NAALADL2: variants seen among roughly 807,000 people sequenced by gnomAD.
NAALADL2 encodes N-acetylated alpha-linked acidic dipeptidase like 2.
NAALADL2 carries 76 observed loss-of-function variants against 87.2 expected under a neutral mutation model. The ratio of observed to expected loss-of-function variants is 0.87; its 90% confidence interval spans 0.72 to 1.05. The LOEUF (loss-of-function observed/expected upper bound fraction) is 1.05, where lower values mean the gene tolerates loss of function less well. Ranked by LOEUF, NAALADL2 falls within the 50% of genes least tolerant of loss-of-function variation. NAALADL2 has a pLI of 0.00. For missense variants in NAALADL2, 1,089 were observed against 945.8 expected (o/e 1.15, Z -1.99); for synonymous variants, 354 against 331.0 (o/e 1.07, Z -0.75).
chr3:175,552,328 T>A (rs1226278694), intron 9 of NAALADL2, among the ~76,000 whole-genome samples: 1 of 152,208 alleles, frequency 6.6e-6, no homozygotes, highest in East Asian at 1.9e-4. Flanking sequence ...TTTGCTTTTT[T>A]CTTCTCCTTT....
chr3:174,507,740 C>T (rs1719291658), intron 1 of NAALADL2, among the ~76,000 whole-genome samples: 1 of 151,902 alleles, frequency 6.6e-6, no homozygotes, highest in Non-Finnish European at 1.5e-5. Context: ...GTAGTTTGTT[C>T]TTTTTATTGC....
chr3:175,230,543 G>A (rs1015842614), intron 2 of NAALADL2, among the ~76,000 whole-genome samples: 2 of 151,952 alleles, frequency 1.3e-5, no homozygotes, highest in African/African-American at 4.8e-5. Context: ...TCATGAAGAT[G>A]CAAATTAAAA....
At chr3:175,458,040 G>A (rs1415237781) in intron 6 of NAALADL2, among the ~76,000 whole-genome samples, 2 of 151,904 alleles carry the variant, frequency 1.3e-5, no homozygotes, top group Non-Finnish European at 2.9e-5. Flanking sequence ...AACTTCAGCT[G>A]GGTTCTGTGT....
chr3:174,512,422 T>C (rs1284623552), intron 1 of NAALADL2, among the ~76,000 whole-genome samples: 1 of 152,146 alleles, frequency 6.6e-6, no homozygotes, highest in African/African-American at 2.4e-5. Context: ...TGTTCTTGGG[T>C]GTCTCTTCAT....
intron 1 of NAALADL2, among the ~76,000 whole-genome samples, chr3:174,942,928 C>A (rs1738832601): frequency 6.6e-6 from 1 of 152,176 alleles, no homozygotes; most frequent in Admixed American, 6.5e-5. Context: ...TCCTTCAGTT[C>A]CTGCATCACT....
intron 9 of NAALADL2, among the ~76,000 whole-genome samples, chr3:175,525,386 A>G (rs1257934551): frequency 1.3e-5 from 2 of 152,056 alleles, no homozygotes; most frequent in African/African-American, 2.4e-5. Flanking sequence ...TTCTCCACTC[A>G]CTGTCAATTT....
intron 2 of NAALADL2, among the ~76,000 whole-genome samples, chr3:175,173,474 C>T (rs1735192127): frequency 6.6e-6 from 1 of 152,072 alleles, no homozygotes; most frequent in African/African-American, 2.4e-5. Flanking sequence ...TGCACTCCAA[C>T]CTGAGTGACA....
At chr3:174,955,778 T>C (rs944188429) in intron 1 of NAALADL2, among the ~76,000 whole-genome samples, 1 of 152,056 alleles carries the variant, frequency 6.6e-6, no homozygotes, top group African/African-American at 2.4e-5. Context: ...CAGGACTTTT[T>C]AAAAGACAGA....
At chr3:174,887,347 GATT>G (rs1332278317) in intron 1 of NAALADL2, among the ~76,000 whole-genome samples, 1 of 152,014 alleles carries the variant, frequency 6.6e-6, no homozygotes, top group African/African-American at 2.4e-5. Flanking sequence ...TATATAAAGA[GATT>G]ATATGTTTAT....
At chr3:174,679,569 T>C (rs1318290252) in intron 2 of NAALADL2, among the ~76,000 whole-genome samples, 1 of 152,144 alleles carries the variant, frequency 6.6e-6, no homozygotes, top group Non-Finnish European at 1.5e-5. Context: ...CTTTGGGGTG[T>C]TCCTATAACA....
Position 174,938,135 on chromosome 3 carries a change from C to T in NAALADL2, c.43+78685C>T, listed in dbSNP as rs80107494. ...TATTTCATCACCCAGTTTTTAAACT[C>T]AGTTTGCAATAGTTACCTTTTCTGC... On this transcript the variant is annotated intron_variant, in intron 1 of 13. Transcript: ENST00000454872. Among the ~76,000 whole-genome samples the T allele has an allele frequency of 3.9e-3, 592 of 152,034 alleles. 7 individuals are homozygous for T. The highest frequency in any genetic ancestry group is 0.014 in the African/African-American group (561 of 41,512).
chr3:175,386,944 A>G (rs1230085855), intron 5 of NAALADL2, among the ~76,000 whole-genome samples: 9 of 152,162 alleles, frequency 5.9e-5, no homozygotes, highest in Non-Finnish European at 1.0e-4. Flanking sequence ...GAAGCCATAA[A>G]GTGCTTCCTT....
chr3:174,754,126 G>A (rs1316238006), intron 3 of NAALADL2, among the ~76,000 whole-genome samples: 1 of 152,182 alleles, frequency 6.6e-6, no homozygotes, highest in African/African-American at 2.4e-5. Context: ...ATGTATGGAA[G>A]CCTCTGCTAA....
In NAALADL2 at chr3:175,093,414, T is replaced by TATATATATATATATATATATA. The variant is rs1553771396; in HGVS notation, c.44-3376_44-3375insATATATATATATATATATATA. 1.0e-3 allele frequency among the ~76,000 whole-genome samples: 120 copies of TATATATATATATATATATATA among 117,676 alleles called. 1 individual carries two copies. Among genetic ancestry groups the TATATATATATATATATATATA allele is most frequent in the African/African-American group, 2.9e-3 (71 of 24,300 alleles). The allele number at this position is 117,676 out of a possible 152,430, so 77.2% of individuals were successfully genotyped here. ...TTTTTTTGTTGAGTTCATTTTATTTTTTTATATATATATATATATGTTTTA... is the reference window on the plus strand; with the variant it reads ...TTTTTTTGTTGAGTTCATTTTATTTTATATATATATATATATATATATTTATATATATATATATATGTTTTA... On this transcript the variant is annotated intron_variant, in intron 1 of 13. Transcript: ENST00000454872.
chr3:174,596,439 C>G (rs373665135), intron 2 of NAALADL2, among the ~76,000 whole-genome samples: 1 of 152,132 alleles, frequency 6.6e-6, no homozygotes, highest in Non-Finnish European at 1.5e-5. Flanking sequence ...TGTTTTTACA[C>G]GCTATTTCAG....
chr3:174,994,487 A>G (rs1221750155), intron 1 of NAALADL2, among the ~76,000 whole-genome samples: 1 of 152,216 alleles, frequency 6.6e-6, no homozygotes, highest in Non-Finnish European at 1.5e-5. Context: ...ATTTTTTTGA[A>G]TAATTACCTC....
At chr3:175,436,596 G>A (rs1434886368) in intron 5 of NAALADL2, among the ~76,000 whole-genome samples, 2 of 146,086 alleles carry the variant, frequency 1.4e-5, no homozygotes, top group East Asian at 4.4e-4. Flanking sequence ...TTTCTCTGAT[G>A]GCCAGTGATG....
intron 1 of NAALADL2, among the ~76,000 whole-genome samples, chr3:174,872,656 G>A (rs1055491827): frequency 1.3e-5 from 2 of 151,946 alleles, no homozygotes; most frequent in African/African-American, 4.8e-5. Flanking sequence ...GATCATAGCC[G>A]CTCATAGCTT....
At chr3:175,734,630 C>T (rs964861719) in intron 11 of NAALADL2, among the ~76,000 whole-genome samples, 2 of 152,142 alleles carry the variant, frequency 1.3e-5, no homozygotes, top group Non-Finnish European at 2.9e-5. Context: ...CCCACAGGAT[C>T]AATACCATGT....
Sources: allele counts gnomAD v4.1 joint callset (sites outside exome capture counted in the v4.1 genomes callset), GRCh38; gene constraint gnomAD v4.1.1; transcripts MANE v1.5; gene names NCBI Gene and HGNC (gene_info 2026-07-23, HGNC 2026-07-21).